Variants in SEMA5A observed in about 807,000 individuals in gnomAD.
SEMA5A encodes the protein semaphorin-5A.
SEMA5A carries 55 observed loss-of-function variants against 135.5 expected under a neutral mutation model. That is an observed-to-expected ratio of 0.41 (90% CI 0.33 to 0.51). SEMA5A has a LOEUF of 0.51. Ranked by LOEUF, SEMA5A falls within the 20% of genes least tolerant of loss-of-function variation. SEMA5A has a pLI of 0.37. For synonymous variants in SEMA5A, 580 were observed against 546.5 expected, an observed-to-expected ratio of 1.06 and a Z score of -0.85; for missense variants, 1,290 against 1,419.9, an observed-to-expected ratio of 0.91 and a Z score of 1.47.
intron 11 of SEMA5A, among the ~76,000 whole-genome samples, chr5:9,164,954 A>G (rs553912131): frequency 6.6e-6 from 1 of 152,338 alleles, no homozygotes; most frequent in South Asian, 2.1e-4. Context: ...TACCATCACA[A>G]CGAGTAAAAA....
chr5:9,055,655 AAAAAG>A (rs1237553913), intron 18 of SEMA5A, among the ~76,000 whole-genome samples: 27 of 152,216 alleles, frequency 1.8e-4, no homozygotes, highest in African/African-American at 6.0e-4. Context: ...TGCAGAAAGT[AAAAAG>A]AAAACAAAAA....
At chr5:9,444,293 G>A (rs891686031) in intron 1 of SEMA5A, among the ~76,000 whole-genome samples, 2 of 151,704 alleles carry the variant, frequency 1.3e-5, no homozygotes, top group African/African-American at 4.8e-5. Context: ...CCCATTACCT[G>A]AGCAGTATAC....
intron 3 of SEMA5A, among the ~76,000 whole-genome samples, chr5:9,368,395 A>G (rs1442714478): frequency 1.3e-5 from 2 of 152,236 alleles, no homozygotes; most frequent in Non-Finnish European, 2.9e-5. Context: ...AATTTCAAAA[A>G]TTGGTTTCAT....
At chr5:9,087,299 T>C (rs549281055) in intron 16 of SEMA5A, among the ~76,000 whole-genome samples, 1 of 152,328 alleles carries the variant, frequency 6.6e-6, no homozygotes, top group South Asian at 2.1e-4. Context: ...ACTTAAACAT[T>C]TCTAGACTTT....
intron 2 of SEMA5A, among the ~76,000 whole-genome samples, chr5:9,386,802 T>C (rs918772230): frequency 2.0e-5 from 3 of 152,256 alleles, no homozygotes; most frequent in African/African-American, 7.2e-5. Flanking sequence ...GCCAAGTGTA[T>C]GTGCTCCAAC....
At chr5:9,477,625 G>A (rs1181254907) in intron 1 of SEMA5A, among the ~76,000 whole-genome samples, 1 of 152,172 alleles carries the variant, frequency 6.6e-6, no homozygotes, top group African/African-American at 2.4e-5. Context: ...GGGACCTGGG[G>A]AACTTTGAAC....
rs138736771 is a variant in SEMA5A at position 9,189,167 on chromosome 5, C to T, written c.1273+1100G>A. 1.7e-3 allele frequency among the ~76,000 whole-genome samples: 261 copies of T among 152,358 alleles called. 1 individual carries two copies. The highest frequency in any genetic ancestry group is 0.01 in the Middle Eastern group (3 of 294). ...CATCACCTCCTGGCGGAGATCAATGCTAACTAGCAAATGCAGGAGCTTGCT... is the reference window on the plus strand; with the variant it reads ...CATCACCTCCTGGCGGAGATCAATGTTAACTAGCAAATGCAGGAGCTTGCT... On this transcript the variant is annotated intron_variant, in intron 11 of 22. Coordinates refer to ENST00000382496, the MANE Select transcript of SEMA5A (RefSeq NM_003966.3).
At chr5:9,510,088 G>A (rs1389235327) in intron 1 of SEMA5A, among the ~76,000 whole-genome samples, 1 of 152,092 alleles carries the variant, frequency 6.6e-6, no homozygotes, top group Non-Finnish European at 1.5e-5. Context: ...TTAATTCCAG[G>A]GAATCTGGAA....
intron 11 of SEMA5A, among the ~76,000 whole-genome samples, chr5:9,165,037 A>C (rs182389414): frequency 6.6e-6 from 1 of 152,244 alleles, no homozygotes; most frequent in East Asian, 1.9e-4. Context: ...ACAATGAAAA[A>C]ATTTAATGCT....
intron 2 of SEMA5A, among the ~76,000 whole-genome samples, chr5:9,388,885 C>A (rs545121597): frequency 6.9e-6 from 1 of 144,258 alleles, no homozygotes; most frequent in African/African-American, 2.6e-5. Context: ...GGTGACACAG[C>A]GAGACTCCGT....
At chr5:9,541,267 A>G (rs1375918414) in intron 1 of SEMA5A, among the ~76,000 whole-genome samples, 1 of 152,228 alleles carries the variant, frequency 6.6e-6, no homozygotes, top group African/African-American at 2.4e-5. Flanking sequence ...CTGTAATTGA[A>G]TTACCTATTG....
At chr5:9,243,699 T>A (rs1748330964) in intron 5 of SEMA5A, among the ~76,000 whole-genome samples, 1 of 152,178 alleles carries the variant, frequency 6.6e-6, no homozygotes. Context: ...TGAGAGGTAC[T>A]ATTATAATAA....
chr5:9,540,986 C>T (rs1369960526), intron 1 of SEMA5A, among the ~76,000 whole-genome samples: 1 of 152,192 alleles, frequency 6.6e-6, no homozygotes, highest in Non-Finnish European at 1.5e-5. Context: ...GCAGACAGAT[C>T]ACAGGAAACT....
At chr5:9,043,450 G>C (rs1399392530) in intron 22 of SEMA5A, among the ~76,000 whole-genome samples, 1 of 152,220 alleles carries the variant, frequency 6.6e-6, no homozygotes, top group South Asian at 2.1e-4. Flanking sequence ...CGGAGACCTT[G>C]ATGGAACTTA....
rs572247754 is a variant in SEMA5A, at chr5:9,487,031, T to C, written c.-174-49179A>G. 2.7e-5 allele frequency among the ~76,000 whole-genome samples: 4 copies of C among 147,170 alleles called. No individual in the cohort carries two copies. In the East Asian group the frequency reaches 8.0e-4, roughly 29 times the overall value. On this transcript the variant is annotated intron_variant, in intron 1 of 22. Transcript: ENST00000382496. ...TAGATTGTCTCTGAAAAAAAAAAAC[T>C]AGTAGAAAATGCATACAAACAAAAC...
chr5:9,037,156 TCTACCTCCTCTTTC>T lies in SEMA5A; in HGVS notation c.*5727_*5740del, dbSNP rs1735694596. 1.3e-5 allele frequency: 2 copies of T among 151,328 alleles called. No homozygotes were observed. Among genetic ancestry groups the T allele is most frequent in the African/African-American group, 4.9e-5 (2 of 41,174 alleles). 9.4% of individuals were successfully genotyped at this position (151,328 alleles called of 1,614,324 possible). ...TTTAAGAAACACAAAAGAGTGATTT[TCTACCTCCTCTTTC>T]CTCTTTCCAGATCTGAAAGTGCCCT... On this transcript the variant is annotated 3_prime_UTR_variant, in exon 23 of 23. Coordinates refer to ENST00000382496, the MANE Select transcript of SEMA5A (RefSeq NM_003966.3).
At chr5:9,219,901 G>T (rs770685952) in intron 8 of SEMA5A, among the ~76,000 whole-genome samples, 1 of 152,180 alleles carries the variant, frequency 6.6e-6, no homozygotes, top group Admixed American at 6.5e-5. Flanking sequence ...GGACTAAGTC[G>T]GAGCTGAGAC....
intron 5 of SEMA5A, among the ~76,000 whole-genome samples, chr5:9,294,143 C>T (rs1751217576): frequency 6.6e-6 from 1 of 152,204 alleles, no homozygotes; most frequent in African/African-American, 2.4e-5. Flanking sequence ...CAAATCTTGT[C>T]TCCCTGTCTT....
chr5:9,330,465 T>C (rs1015576410), intron 4 of SEMA5A, among the ~76,000 whole-genome samples: 1 of 151,808 alleles, frequency 6.6e-6, no homozygotes, highest in African/African-American at 2.4e-5. Context: ...TTTTTTACAA[T>C]AGCAGAAGGA....
Sources: gnomAD v4.1 joint callset for allele counts (sites outside exome capture counted in the v4.1 genomes callset) on GRCh38, gnomAD v4.1.1 for gene constraint, MANE v1.5 for transcripts, NCBI Gene and HGNC (gene_info 2026-07-23, HGNC 2026-07-21) for gene names.